CLTCL1: variants seen among roughly 807,000 people sequenced by gnomAD.
The protein encoded by CLTCL1 is clathrin heavy chain 2.
A neutral mutation model predicts 190.0 loss-of-function variants in CLTCL1; 159 were observed. The observed-to-expected ratio is 0.84, with a 90% CI of 0.74 to 0.95. The LOEUF (loss-of-function observed/expected upper bound fraction) is 0.95, where lower values mean the gene tolerates loss of function less well. Ranked by LOEUF, CLTCL1 falls within the 40% of genes least tolerant of loss-of-function variation. The pLI is 0.00. For synonymous variants in CLTCL1, 752 were observed against 769.6 expected (o/e 0.98, Z 0.38); for missense variants, 1,878 against 2,033.4 (o/e 0.92, Z 1.47).
At position 19,183,377 on chromosome 22, in the gene CLTCL1, G is replaced by T. The variant is rs1555926656; in HGVS notation, c.4827+13C>A. 4 of 1,608,638 alleles carry T rather than the reference G, an allele frequency of 2.5e-6. No individual in the cohort carries two copies. The highest frequency in any genetic ancestry group is 3.4e-6 in the Non-Finnish European group (4 of 1,176,580). Reference sequence around the variant, plus strand: ...CACAGGGGCCGGGGAGCTGCAGCCGGCCCGGCACCTACCTTGCTCAGGTAC... The same window carrying T: ...CACAGGGGCCGGGGAGCTGCAGCCGTCCCGGCACCTACCTTGCTCAGGTAC... On this transcript the variant is annotated intron_variant, in intron 30 of 32. Transcript: ENST00000427926.
At chr22:19,249,860 T>TAA in intron 3 of CLTCL1, 14 of 383,500 alleles carry the variant, frequency 3.7e-5, no homozygotes, top group South Asian at 5.8e-5. Context: ...TTTTGAAACT[T>TAA]AAAAAAAAAA....
intron 2 of CLTCL1, among the ~76,000 whole-genome samples, chr22:19,269,105 GA>G (rs1410061132): frequency 6.7e-6 from 1 of 148,306 alleles, no homozygotes; most frequent in Admixed American, 6.7e-5. Flanking sequence ...AAAAAAAGAA[GA>G]AAAAAAGCTA....
At chr22:19,230,343 ATCCGCCCGCCTCGGCC>A (rs1555958384) in intron 10 of CLTCL1, among the ~76,000 whole-genome samples, 1 of 152,098 alleles carries the variant, frequency 6.6e-6, no homozygotes, top group Non-Finnish European at 1.5e-5. Context: ...ACTTCAGGTG[ATCCGCCCGCCTCGGCC>A]TCCCAAAGTG....
intron 19 of CLTCL1, 62 bp downstream of exon 19, chr22:19,216,049 T>C (rs1161574838): frequency 2.6e-6 from 4 of 1,520,710 alleles, no homozygotes; most frequent in Non-Finnish European, 3.6e-6. Flanking sequence ...TAACAGAAGA[T>C]GAGTATCAAG....
At chr22:19,258,341 T>TG (rs1324904032) in intron 2 of CLTCL1, 1 of 413,984 alleles carries the variant, frequency 2.4e-6, no homozygotes, top group Non-Finnish European at 4.6e-6. Flanking sequence ...CCCAGCAGAT[T>TG]GAGGAGAGCA....
At position 19,235,993 on chromosome 22, in the gene CLTCL1, T is replaced by G. The variant is rs1247434232; in HGVS notation, c.796-124A>C. 3.5e-6 allele frequency: 3 copies of G among 867,242 alleles called. No homozygotes were observed. In the African/African-American group the frequency reaches 5.1e-5, roughly 15 times the overall value. 53.7% of individuals were successfully genotyped at this position (867,242 alleles called of 1,614,324 possible). On this transcript the variant is annotated intron_variant, in intron 5 of 32. Coordinates refer to ENST00000427926, the MANE Select transcript of CLTCL1 (RefSeq NM_007098.4). ...TTTGTTTTTTGAGATAGGGTCGTGCTCTGTCACCCAGGCTGGAGTGTAGTG... is the reference window on the plus strand; with the variant it reads ...TTTGTTTTTTGAGATAGGGTCGTGCGCTGTCACCCAGGCTGGAGTGTAGTG...
chr22:19,242,497 C>T (rs563350475), intron 4 of CLTCL1, among the ~76,000 whole-genome samples: 4 of 152,160 alleles, frequency 2.6e-5, no homozygotes, highest in South Asian at 2.1e-4. Context: ...GGTTTCACCA[C>T]GTTGGCCAGG....
At chr22:19,258,662 G>A (rs2146138625) in intron 2 of CLTCL1, 1 of 646,592 alleles carries the variant, frequency 1.5e-6, no homozygotes, top group Non-Finnish European at 2.9e-6. Context: ...ACCACCGCCT[G>A]CTGGAAGATG....
intron 2 of CLTCL1, among the ~76,000 whole-genome samples, chr22:19,263,211 A>C (rs1555976372): frequency 6.6e-6 from 1 of 151,016 alleles, no homozygotes; most frequent in Non-Finnish European, 1.5e-5. Context: ...CTCCCATCTC[A>C]GCCTCCTTGA....
intron 4 of CLTCL1, 34 bp from the exon 5 acceptor site, chr22:19,239,422 C>G: frequency 6.5e-7 from 1 of 1,536,404 alleles, no homozygotes; most frequent in Non-Finnish European, 9.0e-7. Context: ...TCAAGGGGAC[C>G]GCCTGTGGTG....
chr22:19,222,869 G>A (rs1005527375), intron 14 of CLTCL1, 60 bp from the exon 15 acceptor site: 10 of 1,553,096 alleles, frequency 6.4e-6, no homozygotes, highest in Middle Eastern at 1.7e-4. Context: ...GCCAGACCTC[G>A]GACTCATTGC....
chr22:19,196,291 C>T lies in CLTCL1; in HGVS notation c.4166G>A (p.Gly1389Asp). ...CTTGGTAATGATGTCCTTGAACTGA[C>T]CCTCCTTCCAGGCCTCAGTGGGGTG... ...MSHPTEAWKE[G>D]QFKDIITKVA... The change falls in exon 26 of 33, where the codon GGT becomes GAT. Residue 1389 changes from glycine (G) to aspartate (D), a missense_variant. Gly to Asp is a moderately conservative substitution (Grantham distance 94, BLOSUM62 -1). Coordinates refer to ENST00000427926, the MANE Select transcript of CLTCL1 (RefSeq NM_007098.4). 6.2e-7 allele frequency: 1 copy of T among 1,613,736 alleles called. No individual in the cohort carries two copies. The highest frequency in any genetic ancestry group is 1.1e-5 in the South Asian group (1 of 91,082).
intron 32 of CLTCL1, 65 bp downstream of exon 32, chr22:19,180,134 C>T (rs2084080260): frequency 1.4e-6 from 2 of 1,420,204 alleles, no homozygotes; most frequent in Non-Finnish European, 2.0e-6. Flanking sequence ...AGGCAAGGAG[C>T]GTGGGGTCAG....
intron 19 of CLTCL1, among the ~76,000 whole-genome samples, chr22:19,210,832 G>A (rs1362857032): frequency 1.3e-5 from 2 of 152,088 alleles, no homozygotes; most frequent in African/African-American, 4.8e-5. Context: ...TGCTTTCTTT[G>A]TGATTCATTA....
At chr22:19,246,844 A>G (rs1268679407) in intron 3 of CLTCL1, among the ~76,000 whole-genome samples, 1 of 152,030 alleles carries the variant, frequency 6.6e-6, no homozygotes, top group Non-Finnish European at 1.5e-5. Context: ...CCACTTTTTA[A>G]CTGGGTTGAC....
At chr22:19,222,444 C>A (rs2145775167) in intron 15 of CLTCL1, among the ~76,000 whole-genome samples, 1 of 152,312 alleles carries the variant, frequency 6.6e-6, no homozygotes, top group South Asian at 2.1e-4. Context: ...CACCAGAAAC[C>A]AGCCCTGCCG....
At chr22:19,243,181 T>C (rs1021408288) in intron 3 of CLTCL1, among the ~76,000 whole-genome samples, 1 of 152,124 alleles carries the variant, frequency 6.6e-6, no homozygotes, top group Non-Finnish European at 1.5e-5. Context: ...TTGTTAAATA[T>C]AGTAAGTGTG....
At chr22:19,195,698 T>C (rs2084675331) in intron 26 of CLTCL1, among the ~76,000 whole-genome samples, 1 of 151,642 alleles carries the variant, frequency 6.6e-6, no homozygotes, top group Admixed American at 6.6e-5. Flanking sequence ...GGAAACAAAA[T>C]AACAAAGGCT....
chr22:19,234,744 A>T (rs201741733), intron 6 of CLTCL1, 38 bp from the exon 7 acceptor site: 4 of 1,550,148 alleles, frequency 2.6e-6, no homozygotes, highest in African/African-American at 1.4e-5. Context: ...CCCGGCCTAG[A>T]AGAGTGCTCC....
Sources: gnomAD v4.1 joint callset for allele counts (sites outside exome capture counted in the v4.1 genomes callset) on GRCh38, gnomAD v4.1.1 for gene constraint, MANE v1.5 for transcripts, NCBI Gene and HGNC (gene_info 2026-07-23, HGNC 2026-07-21) for gene names.